SCHIP1: variants seen among roughly 807,000 people sequenced by gnomAD.
SCHIP1 encodes schwannomin-interacting protein 1.
In SCHIP1, 8 loss-of-function variants were observed where a neutral mutation model predicts 29.7. The ratio of observed to expected loss-of-function variants is 0.27; its 90% CI spans 0.16 to 0.49. SCHIP1 has a LOEUF of 0.49. SCHIP1 is among the 20% of genes least tolerant of loss of function. SCHIP1 has a pLI of 0.99. For synonymous variants in SCHIP1, 76 were observed against 94.9 expected (o/e 0.80, Z 1.16); for missense variants, 193 against 294.6 (o/e 0.66, Z 2.52).
chr3:159,776,028 A>G, the SCHIP1 span, among the ~76,000 whole-genome samples: 1 of 152,246 alleles, frequency 6.6e-6, no homozygotes, highest in African/African-American at 2.4e-5. Context: ...CCACCTAAAG[A>G]AAGAGTAGTG....
chr3:159,750,296 T>TACATATATACAC, the SCHIP1 span, among the ~76,000 whole-genome samples: 9 of 132,744 alleles, frequency 6.8e-5, no homozygotes, highest in African/African-American at 2.2e-4. Context: ...TATATATATA[T>TACATATATACAC]ACACACACAC....
At chr3:159,328,616 C>G in the SCHIP1 span, among the ~76,000 whole-genome samples, 1 of 152,116 alleles carries the variant, frequency 6.6e-6, no homozygotes, top group Non-Finnish European at 1.5e-5. Context: ...AAGGGAGATG[C>G]AGTGTGGAGC....
the SCHIP1 span, among the ~76,000 whole-genome samples, chr3:159,385,842 C>A: frequency 2.0e-5 from 3 of 152,132 alleles, no homozygotes; most frequent in Admixed American, 2.0e-4. Context: ...CTATCCCTCC[C>A]CTAGCCCCCC....
the SCHIP1 span, among the ~76,000 whole-genome samples, chr3:159,697,345 G>A: frequency 6.6e-6 from 1 of 152,182 alleles, no homozygotes; most frequent in Non-Finnish European, 1.5e-5. Flanking sequence ...TTTGGATGGA[G>A]AGAGGAGCAG....
At chr3:159,285,832 C>T in the SCHIP1 span, among the ~76,000 whole-genome samples, 1 of 152,082 alleles carries the variant, frequency 6.6e-6, no homozygotes, top group Non-Finnish European at 1.5e-5. Context: ...GGGCATTGAC[C>T]TAGCATTGGG....
At chr3:159,398,069 G>C in the SCHIP1 span, among the ~76,000 whole-genome samples, 1 of 152,172 alleles carries the variant, frequency 6.6e-6, no homozygotes, top group Non-Finnish European at 1.5e-5. Context: ...CAGTATTCAG[G>C]TGGGAGTGAC....
the SCHIP1 span, among the ~76,000 whole-genome samples, chr3:159,495,729 A>C: frequency 6.6e-6 from 1 of 152,192 alleles, no homozygotes; most frequent in Non-Finnish European, 1.5e-5. Flanking sequence ...GCTACCAATG[A>C]CTTTCTTCAC....
At chr3:159,526,178 C>CTTTTA in the SCHIP1 span, among the ~76,000 whole-genome samples, 1 of 152,028 alleles carries the variant, frequency 6.6e-6, no homozygotes, top group Non-Finnish European at 1.5e-5. Context: ...ATGACACAAC[C>CTTTTA]TTTTATTTTA....
chr3:159,795,236 G>A, the SCHIP1 span, among the ~76,000 whole-genome samples: 50 of 152,266 alleles, frequency 3.3e-4, no homozygotes, highest in African/African-American at 1.1e-3. Context: ...ATTTGGCAGC[G>A]CAACTAACCT....
the SCHIP1 span, among the ~76,000 whole-genome samples, chr3:159,727,841 A>C: frequency 6.6e-6 from 1 of 152,054 alleles, no homozygotes. Flanking sequence ...AGGCTGCCTC[A>C]TGCACTGGTC....
the SCHIP1 span, among the ~76,000 whole-genome samples, chr3:159,758,947 T>G: frequency 4.6e-5 from 7 of 152,360 alleles, no homozygotes; most frequent in African/African-American, 1.7e-4. Context: ...ATTTCAAACA[T>G]ACATTCACCT....
intron 2 of SCHIP1, among the ~76,000 whole-genome samples, chr3:159,876,243 C>T (rs2109340437): frequency 6.6e-6 from 1 of 152,302 alleles, no homozygotes; most frequent in East Asian, 1.9e-4. Context: ...TCCACATGCT[C>T]TGTTAATCAC....
At chr3:159,647,642 A>G in the SCHIP1 span, among the ~76,000 whole-genome samples, 1 of 152,148 alleles carries the variant, frequency 6.6e-6, no homozygotes, top group Non-Finnish European at 1.5e-5. Context: ...CTACAAAGCC[A>G]TTATCGCTAA....
the SCHIP1 span, among the ~76,000 whole-genome samples, chr3:159,811,974 G>GTTTT: frequency 1.4e-5 from 2 of 138,616 alleles, no homozygotes; most frequent in African/African-American, 2.7e-5. Context: ...TTTTGTTTTT[G>GTTTT]TTTTTGTTTT....
the SCHIP1 span, among the ~76,000 whole-genome samples, chr3:159,754,964 G>A: frequency 0.014 from 2,200 of 152,288 alleles, 22 homozygotes; most frequent in Non-Finnish European, 0.023. Flanking sequence ...GGCCGGGTGC[G>A]GTGGCTCACG....
At chr3:159,634,687 A>G in the SCHIP1 span, among the ~76,000 whole-genome samples, 2 of 152,308 alleles carry the variant, frequency 1.3e-5, no homozygotes, top group East Asian at 3.9e-4. Flanking sequence ...TTGTTCTCAG[A>G]TTTGTTTGTA....
chr3:159,486,434 T>C, the SCHIP1 span, among the ~76,000 whole-genome samples: 5 of 152,226 alleles, frequency 3.3e-5, no homozygotes, highest in African/African-American at 1.2e-4. Context: ...ACTTAGCCTC[T>C]AGGTTCATCC....
the SCHIP1 span, among the ~76,000 whole-genome samples, chr3:159,590,265 C>T: frequency 8.5e-5 from 13 of 152,204 alleles, no homozygotes; most frequent in South Asian, 1.2e-3. Flanking sequence ...CCACCCCAGC[C>T]CAGCGCATTA....
the SCHIP1 span, among the ~76,000 whole-genome samples, chr3:159,795,861 AG>A: frequency 1.6e-3 from 247 of 152,314 alleles, 2 homozygotes; most frequent in Middle Eastern, 3.4e-3. Flanking sequence ...CAATAGTAAG[AG>A]GGAGGCTGTG....
Sources: allele counts gnomAD v4.1 joint callset (sites outside exome capture counted in the v4.1 genomes callset), GRCh38; gene constraint gnomAD v4.1.1; transcripts MANE v1.5; gene names NCBI Gene and HGNC (gene_info 2026-07-23, HGNC 2026-07-21).